Variants in DCC observed in about 807,000 individuals in gnomAD.
DCC encodes the protein DCC netrin 1 receptor, also known as netrin receptor DCC.
Under a neutral mutation model 172.5 loss-of-function variants are expected in DCC, and 58 were observed. The ratio of observed to expected loss-of-function variants is 0.34; its 90% CI spans 0.27 to 0.42. DCC has a LOEUF of 0.42. Among genes scored for constraint, DCC ranks in the 10% least tolerant of loss-of-function variants. The pLI is 1.00. For missense variants in DCC, 1,740 were observed against 1,791.0 expected (o/e 0.97, Z 0.51); for synonymous variants, 709 against 644.5 (o/e 1.10, Z -1.52).
At chr18:52,395,415 T>G (rs1986185803) in intron 1 of DCC, among the ~76,000 whole-genome samples, 1 of 151,994 alleles carries the variant, frequency 6.6e-6, no homozygotes, top group African/African-American at 2.4e-5. Context: ...GTTTTTTTTG[T>G]AGTTTAGTGG....
chr18:53,220,583 GTATT>G (rs2055916748), intron 12 of DCC, among the ~76,000 whole-genome samples: 1 of 152,138 alleles, frequency 6.6e-6, no homozygotes, highest in Admixed American at 6.6e-5. Context: ...GCAGATGATT[GTATT>G]TATTTAAAGA....
At chr18:52,718,521 T>A (rs2145070191) in intron 1 of DCC, among the ~76,000 whole-genome samples, 1 of 152,280 alleles carries the variant, frequency 6.6e-6, no homozygotes, top group African/African-American at 2.4e-5. Context: ...TGCAACAATA[T>A]AGAGAGGGCT....
At chr18:53,100,988 C>A (rs190029655) in intron 7 of DCC, among the ~76,000 whole-genome samples, 1 of 152,050 alleles carries the variant, frequency 6.6e-6, no homozygotes, top group African/African-American at 2.4e-5. Flanking sequence ...AAGACATGCA[C>A]CCTTTAATCC....
At chr18:52,945,692 C>A (rs1311892589) in intron 5 of DCC, among the ~76,000 whole-genome samples, 1 of 152,150 alleles carries the variant, frequency 6.6e-6, no homozygotes, top group Non-Finnish European at 1.5e-5. Context: ...ATGTCAGCTC[C>A]ACTTGTCCCT....
intron 11 of DCC, among the ~76,000 whole-genome samples, chr18:53,209,087 C>T (rs563923613): frequency 6.6e-6 from 1 of 152,316 alleles, no homozygotes; most frequent in South Asian, 2.1e-4. Flanking sequence ...GCATAGGCCA[C>T]AGCACCCAGC....
intron 7 of DCC, among the ~76,000 whole-genome samples, chr18:53,095,085 T>C (rs10502963): frequency 0.26 from 39,275 of 152,144 alleles, 6,192 homozygotes; most frequent in African/African-American, 0.44. Flanking sequence ...ATTTATCTGT[T>C]TTGCAATTTT....
intron 3 of DCC, among the ~76,000 whole-genome samples, chr18:52,921,109 A>G (rs563761420): frequency 6.7e-6 from 1 of 149,550 alleles, no homozygotes; most frequent in South Asian, 2.2e-4. Context: ...CATATATATG[A>G]CATGCATTTG....
At chr18:53,037,205 GTTTC>G (rs1377037903) in intron 5 of DCC, among the ~76,000 whole-genome samples, 1 of 151,938 alleles carries the variant, frequency 6.6e-6, no homozygotes, top group Non-Finnish European at 1.5e-5. Flanking sequence ...CCTGGATTTC[GTTTC>G]TTTGTGTTCT....
intron 13 of DCC, among the ~76,000 whole-genome samples, chr18:53,314,789 C>G (rs1480860786): frequency 6.6e-6 from 1 of 152,010 alleles, no homozygotes; most frequent in African/African-American, 2.4e-5. Context: ...TGACCTGAGG[C>G]ACTAATCTCT....
At chr18:52,497,920 TA>T (rs764387972) in intron 1 of DCC, among the ~76,000 whole-genome samples, 26 of 152,164 alleles carry the variant, frequency 1.7e-4, no homozygotes, top group Non-Finnish European at 3.2e-4. Flanking sequence ...GGGATTGACA[TA>T]TTTTTGCTAC....
At chr18:53,259,993 A>G (rs1276696146) in intron 12 of DCC, among the ~76,000 whole-genome samples, 1 of 152,022 alleles carries the variant, frequency 6.6e-6, no homozygotes, top group African/African-American at 2.4e-5. Context: ...AGTTGAGCAA[A>G]TTGGCTACTG....
chr18:52,432,301 A>G (rs1335046733), intron 1 of DCC, among the ~76,000 whole-genome samples: 1 of 152,064 alleles, frequency 6.6e-6, no homozygotes, highest in African/African-American at 2.4e-5. Context: ...TTTCCTGCTG[A>G]CTTGGGTCTC....
intron 2 of DCC, among the ~76,000 whole-genome samples, chr18:52,866,050 T>A (rs1271763602): frequency 6.6e-6 from 1 of 152,204 alleles, no homozygotes; most frequent in East Asian, 1.9e-4. Context: ...ATTTAATCCA[T>A]CTTTGAGTTA....
intron 1 of DCC, among the ~76,000 whole-genome samples, chr18:52,590,321 G>A (rs1357038855): frequency 2.0e-5 from 3 of 151,962 alleles, no homozygotes; most frequent in Non-Finnish European, 4.4e-5. Context: ...ATGCAATGTC[G>A]ATGTCTACAA....
At chr18:52,931,767 G>T (rs1001028618) in intron 5 of DCC, 2 of 151,912 alleles carry the variant, frequency 1.3e-5, no homozygotes, top group Non-Finnish European at 2.9e-5. Context: ...AGCCATTTAT[G>T]GTAGCATTTC....
intron 1 of DCC, among the ~76,000 whole-genome samples, chr18:52,529,862 T>C (rs2032095477): frequency 6.6e-6 from 1 of 152,224 alleles, no homozygotes; most frequent in Non-Finnish European, 1.5e-5. Context: ...GTTCTTATGA[T>C]GTGATTCAGA....
At chr18:52,966,858 A>T (rs2040940075) in intron 5 of DCC, among the ~76,000 whole-genome samples, 1 of 152,234 alleles carries the variant, frequency 6.6e-6, no homozygotes, top group Admixed American at 6.5e-5. Context: ...CTTAATTAAT[A>T]TGAACCACTT....
chr18:53,055,439 G>T (rs1307534521), intron 5 of DCC, among the ~76,000 whole-genome samples: 1 of 152,138 alleles, frequency 6.6e-6, no homozygotes, highest in Admixed American at 6.6e-5. Flanking sequence ...ACTGCCAGAT[G>T]AGATTGAAAC....
chr18:52,811,118 G>T (rs1228426298), intron 2 of DCC, among the ~76,000 whole-genome samples: 1 of 152,036 alleles, frequency 6.6e-6, no homozygotes, highest in Non-Finnish European at 1.5e-5. Flanking sequence ...AGATATGTTT[G>T]CTTAAAAAAA....
Sources: allele counts gnomAD v4.1 joint callset (sites outside exome capture counted in the v4.1 genomes callset), GRCh38; gene constraint gnomAD v4.1.1; transcripts MANE v1.5; gene names NCBI Gene and HGNC (gene_info 2026-07-23, HGNC 2026-07-21).